SI: variants seen among roughly 807,000 people sequenced by gnomAD.
SI encodes the protein sucrase-isomaltase, intestinal.
In SI, 235 loss-of-function variants were observed where a neutral mutation model predicts 253.3. The observed-to-expected ratio is 0.93, with a 90% confidence interval of 0.83 to 1.03. The LOEUF is 1.03. Ranked by LOEUF, SI falls within the 50% of genes least tolerant of loss-of-function variation. The pLI, the probability that SI is intolerant of heterozygous loss-of-function variation, is 0.00. For synonymous variants in SI, 819 were observed against 712.0 expected (o/e 1.15, Z -2.39); for missense variants, 2,442 against 2,211.1 (o/e 1.10, Z -2.09).
intron 23 of SI, among the ~76,000 whole-genome samples, 173 bp downstream of exon 23, chr3:165,033,222 A>G (rs1712339871): frequency 1.3e-5 from 2 of 151,620 alleles, no homozygotes; most frequent in South Asian, 4.1e-4. Flanking sequence ...GTAACAATTT[A>G]TTTATAATTT....
At chr3:165,050,835 T>A (rs1713387934) in intron 13 of SI, among the ~76,000 whole-genome samples, 1 of 152,000 alleles carries the variant, frequency 6.6e-6, no homozygotes, top group South Asian at 2.1e-4. Flanking sequence ...ATTTTAAGAC[T>A]CACTGCTTTT....
chr3:165,049,027 T>A, intron 15 of SI, 100 bp downstream of exon 15: 1 of 781,650 alleles, frequency 1.3e-6, no homozygotes. Context: ...CTTTCTTTTT[T>A]CAACTTTGCT....
intron 5 of SI, among the ~76,000 whole-genome samples, chr3:165,068,498 C>T (rs1014416004): frequency 1.9e-4 from 29 of 152,080 alleles, no homozygotes; most frequent in African/African-American, 6.5e-4. Context: ...CTCAGCCTCC[C>T]GAGTAGCTGG....
intron 43 of SI, 131 bp from the exon 44 acceptor site, chr3:164,991,608 G>A (rs1717738036): frequency 2.1e-6 from 2 of 974,534 alleles, no homozygotes; most frequent in South Asian, 1.5e-5. Context: ...CATTTATTCA[G>A]AAAATCTTAA....
At chr3:165,032,745 A>C in intron 23 of SI, 53 bp from the exon 24 acceptor site, 1 of 1,214,154 alleles carries the variant, frequency 8.2e-7, no homozygotes, top group Non-Finnish European at 1.2e-6. Context: ...TACAAACCTG[A>C]AATAACAATA....
intron 10 of SI, among the ~76,000 whole-genome samples, chr3:165,059,636 T>A (rs1004348498): frequency 6.6e-6 from 1 of 152,004 alleles, no homozygotes; most frequent in Admixed American, 6.6e-5. Context: ...AGGTCTATTT[T>A]AAAAACTAAA....
At chr3:165,016,826 C>T (rs909771280) in intron 31 of SI, among the ~76,000 whole-genome samples, 2 of 151,762 alleles carry the variant, frequency 1.3e-5, no homozygotes, top group Non-Finnish European at 2.9e-5. Context: ...TAAATTTCCA[C>T]GTGCATGTTT....
Position 165,040,982 on chromosome 3 carries a change from G to A in SI, c.2117C>T (p.Ala706Val), listed in dbSNP as rs753557397. 20 of 1,612,146 alleles carry A rather than the reference G, an allele frequency of 1.2e-5. No individual in the cohort carries two copies. In the South Asian group the frequency reaches 2.0e-4, roughly 16 times the overall value. ...TGCTACTGTTTCTCCAAACACATGG[G>A]CTTTATAAAACAGAGTGTAGAGGAA... ...LPFLYTLFYK[A>V]HVFGETVARP... Residue 706 changes from alanine to valine, a missense_variant, in exon 18 of 48, where the codon GCC becomes GTC. Transcript: ENST00000264382.
chr3:165,062,965 A>G (rs1327184377), intron 8 of SI, among the ~76,000 whole-genome samples: 1 of 152,116 alleles, frequency 6.6e-6, no homozygotes, highest in Non-Finnish European at 1.5e-5. Flanking sequence ...CTGAAATGTG[A>G]TTAATTTCTT....
chr3:165,067,077 C>T (rs1236979069), intron 6 of SI, among the ~76,000 whole-genome samples: 1 of 151,834 alleles, frequency 6.6e-6, no homozygotes, highest in Non-Finnish European at 1.5e-5. Context: ...TAGGTATGTA[C>T]AAATATATGC....
chr3:164,990,247 A>C (rs910720058), intron 44 of SI, among the ~76,000 whole-genome samples: 1 of 152,140 alleles, frequency 6.6e-6, no homozygotes, highest in African/African-American at 2.4e-5. Context: ...GTCTTTGAAA[A>C]ACAGGTTAAT....
At chr3:165,021,201 C>A (rs752779013) in intron 27 of SI, 28 bp downstream of exon 27, 13 of 1,593,818 alleles carry the variant, frequency 8.2e-6, no homozygotes, top group African/African-American at 4.0e-5. Flanking sequence ...TTAAAATATC[C>A]TTTATATCAA....
chr3:165,068,777 A>G lies in SI; in HGVS notation c.428T>C (p.Ile143Thr). ...IPSPTLFGNDINSVLFTTQNQ... is the reference protein window; with the variant it reads ...IPSPTLFGNDTNSVLFTTQNQ... ...TTGAGTTGTGAAGAGAACACTGTTGATGTCATTTCCAAATAGTGTAGGTGA... is the reference window on the plus strand; with the variant it reads ...TTGAGTTGTGAAGAGAACACTGTTGGTGTCATTTCCAAATAGTGTAGGTGA... Residue 143 changes from isoleucine (I) to threonine (T), a missense_variant, in exon 5 of 48, where the codon ATC (isoleucine) becomes ACC (threonine). Physicochemically the swap from Ile to Thr is moderately conservative, Grantham distance 89 (BLOSUM62 -1). Transcript: ENST00000264382. The G allele has an allele frequency of 6.2e-7, 1 of 1,613,964 alleles. No homozygotes were observed. The highest frequency in any genetic ancestry group is 8.5e-7 in the Non-Finnish European group (1 of 1,179,880).
In SI at chr3:165,067,384, G is replaced by A. The variant is rs1714298274; in HGVS notation, c.591C>T (p.Asn197=). ...DTLYDVKVAQ[N]PFSIQVIRKS... ...TCCTAATAACTTGGATGCTAAATGG[G>A]TTTTGGGCAACCTTCACATCATACA... Residue 197 remains asparagine (N), a synonymous_variant, in exon 6 of 48, where the codon AAC becomes AAT. Transcript: ENST00000264382. 6.2e-7 allele frequency: 1 copy of A among 1,612,270 alleles called. No individual in the cohort carries two copies. Among genetic ancestry groups the A allele is most frequent in the East Asian group, 2.2e-5 (1 of 44,704 alleles).
intron 44 of SI, among the ~76,000 whole-genome samples, chr3:164,989,447 AG>A (rs1717625081): frequency 1.3e-5 from 2 of 149,226 alleles, no homozygotes; most frequent in African/African-American, 4.9e-5. Context: ...GAAAGAAAGA[AG>A]AGAGGAGAGG....
At chr3:164,989,263 G>GT (rs1717590746) in intron 44 of SI, among the ~76,000 whole-genome samples, 1 of 150,422 alleles carries the variant, frequency 6.6e-6, no homozygotes, top group African/African-American at 2.4e-5. Context: ...GGGAATCGCT[G>GT]GAACCCAGGA....
At chr3:165,081,937 G>A (rs373950058), upstream of SI, among the ~76,000 whole-genome samples, 3 of 152,010 alleles carry the variant, frequency 2.0e-5, no homozygotes, top group Non-Finnish European at 2.9e-5. Context: ...GGAGAGTTAC[G>A]TGAAGAGCTT....
intron 22 of SI, among the ~76,000 whole-genome samples, chr3:165,035,727 C>A (rs577607012): frequency 5.9e-4 from 89 of 151,350 alleles, no homozygotes; most frequent in African/African-American, 2.0e-3. Context: ...TACCTAACAG[C>A]CCTCTATTAG....
intron 15 of SI, among the ~76,000 whole-genome samples, chr3:165,048,582 TATAGAG>T (rs1280215372): frequency 3.0e-4 from 34 of 111,718 alleles, no homozygotes; most frequent in East Asian, 1.9e-3. Context: ...TATATATATA[TATAGAG>T]AGAGAGAGAG....
Sources: gnomAD v4.1 joint callset for allele counts (sites outside exome capture counted in the v4.1 genomes callset) on GRCh38, gnomAD v4.1.1 for gene constraint, MANE v1.5 for transcripts, NCBI Gene and HGNC (gene_info 2026-07-23, HGNC 2026-07-21) for gene names.